The following TSGA10 variants were observed in gnomAD, a reference collection of about 807,000 sequenced individuals.
The protein encoded by TSGA10 is testis-specific gene 10 protein.
TSGA10 carries 43 observed loss-of-function variants against 96.6 expected under a neutral mutation model. The ratio of observed to expected loss-of-function variants is 0.44; its 90% confidence interval spans 0.35 to 0.57. The LOEUF is 0.57. TSGA10 is among the 20% of genes least tolerant of loss of function. The pLI is 0.01. For synonymous variants in TSGA10, 229 were observed against 269.9 expected (o/e 0.85, Z 1.48); for missense variants, 703 against 834.4 (o/e 0.84, Z 1.94).
chr2:99,038,872 C>A (rs1400597880), intron 16 of TSGA10, among the ~76,000 whole-genome samples: 1 of 152,070 alleles, frequency 6.6e-6, no homozygotes, highest in Non-Finnish European at 1.5e-5. Flanking sequence ...TTCTCCAAAA[C>A]AGACCATATG....
chr2:99,075,605 GTA>G (rs1388044729), intron 12 of TSGA10, among the ~76,000 whole-genome samples: 1 of 152,092 alleles, frequency 6.6e-6, no homozygotes, highest in Non-Finnish European at 1.5e-5. Context: ...CAGCTCTGAG[GTA>G]TCATTATAGA....
chr2:99,093,055 T>A lies in TSGA10; in HGVS notation c.611+10912A>T, dbSNP rs1358835364. On this transcript the variant is annotated intron_variant, in intron 10 of 20. Transcript: ENST00000393483. ...AGCATATCAAAAAGATAATTCACCA[T>A]GATCAAGTGGGTTTCAAACCAGGGA... 2.6e-5 allele frequency among the ~76,000 whole-genome samples: 4 copies of A among 152,156 alleles called. No individual in the cohort carries two copies. The East Asian group carries it at 7.7e-4, about 29-fold the overall frequency.
At chr2:99,047,677 C>T (rs2082939323) in intron 16 of TSGA10, among the ~76,000 whole-genome samples, 1 of 152,144 alleles carries the variant, frequency 6.6e-6, no homozygotes, top group Admixed American at 6.5e-5. Context: ...GAGGGGGATG[C>T]CCTCTCTCAC....
intron 16 of TSGA10, among the ~76,000 whole-genome samples, chr2:99,064,405 A>G (rs2085032707): frequency 6.6e-6 from 1 of 152,192 alleles, no homozygotes; most frequent in East Asian, 1.9e-4. Flanking sequence ...AATATCTCCA[A>G]CTATGTTTGT....
chr2:99,075,184 T>C (rs1294685560), intron 12 of TSGA10, among the ~76,000 whole-genome samples: 1 of 152,160 alleles, frequency 6.6e-6, no homozygotes, highest in Non-Finnish European at 1.5e-5. Context: ...CATCATTCCT[T>C]GTACAACCTC....
At chr2:99,042,039 C>A (rs1174883062) in intron 16 of TSGA10, among the ~76,000 whole-genome samples, 3 of 140,110 alleles carry the variant, frequency 2.1e-5, no homozygotes, top group African/African-American at 8.4e-5. Flanking sequence ...TGCCCCCCCA[C>A]ATTTTTTTTT....
intron 1 of TSGA10, 144 bp downstream of exon 1, chr2:99,154,549 G>GT (rs1393573590): frequency 6.3e-6 from 1 of 157,810 alleles, no homozygotes; most frequent in East Asian, 1.9e-4. Flanking sequence ...AAGACCCAGC[G>GT]TAATACCTGT....
At position 99,127,091 on chromosome 2, in the gene TSGA10, T is replaced by A. The variant is rs1303523703; in HGVS notation, c.-535A>T. On this transcript the variant is annotated 5_prime_UTR_variant, in exon 2 of 21. Coordinates refer to ENST00000393483, the MANE Select transcript of TSGA10 (RefSeq NM_025244.4). ...GATGAATCTATCTTGGTTTCTCACT[T>A]CTTGTTCTAGCTGGAGAGTATTCTG... is the stretch of plus-strand genomic sequence containing the variant. The A allele has an allele frequency of 7.8e-7, 1 of 1,289,750 alleles. No individual in the cohort carries two copies. Among genetic ancestry groups the A allele is most frequent in the Admixed American group, 2.3e-5 (1 of 43,552 alleles). The allele number at this position is 1,289,750 out of a possible 1,614,324, so 79.9% of individuals were successfully genotyped here.
chr2:99,054,240 A>G (rs940561834), intron 16 of TSGA10, among the ~76,000 whole-genome samples: 3 of 152,186 alleles, frequency 2.0e-5, no homozygotes, highest in African/African-American at 7.2e-5. Flanking sequence ...CAGTCAATTG[A>G]CCTTTGACAA....
At chr2:99,057,967 A>T (rs941239883) in intron 16 of TSGA10, among the ~76,000 whole-genome samples, 3 of 152,176 alleles carry the variant, frequency 2.0e-5, no homozygotes, top group African/African-American at 7.2e-5. Flanking sequence ...TTGATTTTTG[A>T]TAGAGGTGCC....
chr2:99,131,313 G>C (rs2093071094), intron 1 of TSGA10, among the ~76,000 whole-genome samples: 1 of 152,138 alleles, frequency 6.6e-6, no homozygotes, highest in South Asian at 2.1e-4. Flanking sequence ...GCAGTGGTTT[G>C]TAGTTCTCCT....
intron 2 of TSGA10, among the ~76,000 whole-genome samples, chr2:99,123,471 T>C (rs923892193): frequency 1.3e-5 from 2 of 152,212 alleles, no homozygotes; most frequent in African/African-American, 4.8e-5. Context: ...CTCCATTCTA[T>C]TGAGAACATT....
At chr2:99,017,595 C>G (rs1040911213) in intron 20 of TSGA10, among the ~76,000 whole-genome samples, 10 of 151,892 alleles carry the variant, frequency 6.6e-5, no homozygotes, top group African/African-American at 2.4e-4. Context: ...GAAACCCCGT[C>G]TCTACTAAAA....
intron 17 of TSGA10, among the ~76,000 whole-genome samples, chr2:99,023,325 T>C (rs1318713338): frequency 6.6e-6 from 1 of 152,194 alleles, no homozygotes; most frequent in Non-Finnish European, 1.5e-5. Flanking sequence ...TTATCAGATA[T>C]ATGGTTTGCA....
At chr2:99,138,870 G>C in intron 1 of TSGA10, among the ~76,000 whole-genome samples, 1 of 152,172 alleles carries the variant, frequency 6.6e-6, no homozygotes, top group East Asian at 1.9e-4. Flanking sequence ...AGATTCCTAA[G>C]GCATGAGTTA....
intron 1 of TSGA10, chr2:99,150,669 G>C: frequency 6.2e-7 from 1 of 1,613,966 alleles, no homozygotes; most frequent in East Asian, 2.2e-5. Flanking sequence ...TGGAACCAGC[G>C]ACTCAGTTAT....
chr2:99,105,141 T>C (rs925372091), intron 9 of TSGA10, among the ~76,000 whole-genome samples: 1 of 152,098 alleles, frequency 6.6e-6, no homozygotes, highest in African/African-American at 2.4e-5. Context: ...AGTACATACT[T>C]TGCAACCTAA....
chr2:99,128,745 A>AGAATCCCTCTATGAAAGACAAACT (rs2105008581), intron 1 of TSGA10, among the ~76,000 whole-genome samples: 1 of 152,294 alleles, frequency 6.6e-6, no homozygotes, highest in South Asian at 2.1e-4. Context: ...GATACCTCCA[A>AGAATCCCTCTATGAAAGACAAACT]GAATCCCTCT....
chr2:99,062,197 T>C (rs985207872), intron 16 of TSGA10, among the ~76,000 whole-genome samples: 1 of 152,188 alleles, frequency 6.6e-6, no homozygotes, highest in South Asian at 2.1e-4. Context: ...TCTGTAAATA[T>C]ATATAACATA....
Sources: gnomAD v4.1 joint callset for allele counts (sites outside exome capture counted in the v4.1 genomes callset) on GRCh38, gnomAD v4.1.1 for gene constraint, MANE v1.5 for transcripts, NCBI Gene and HGNC (gene_info 2026-07-23, HGNC 2026-07-21) for gene names.